The following TRIM66 variants were observed in gnomAD, a reference collection of about 807,000 sequenced individuals.
TRIM66 encodes tripartite motif containing 66, also known as tripartite motif-containing protein 66.
TRIM66 carries 99 observed loss-of-function variants against 148.2 expected under a neutral mutation model. That is an observed-to-expected ratio of 0.67 (90% CI 0.57 to 0.79). The LOEUF is 0.79. TRIM66 is among the 30% of genes least tolerant of loss of function. The pLI, the probability that TRIM66 is intolerant of heterozygous loss-of-function variation, is 0.00. For missense variants in TRIM66, 1,666 were observed against 1,697.9 expected (o/e 0.98, Z 0.33); for synonymous variants, 616 against 635.9 (o/e 0.97, Z 0.47).
chr11:8,677,263 TTTGC>T (rs1356258431), intron 3 of TRIM66, among the ~76,000 whole-genome samples: 4 of 152,188 alleles, frequency 2.6e-5, no homozygotes, highest in Admixed American at 1.3e-4. Flanking sequence ...ATATTATTTG[TTTGC>T]TTGTTTAATG....
At chr11:8,644,054 C>A (rs903472062) in intron 12 of TRIM66, among the ~76,000 whole-genome samples, 2 of 152,200 alleles carry the variant, frequency 1.3e-5, no homozygotes, top group Non-Finnish European at 2.9e-5. Context: ...ACCATTCTAC[C>A]TATGAGACCT....
chr11:8,646,001 C>A lies in TRIM66; in HGVS notation c.958-114G>T. On this transcript the variant is annotated intron_variant, in intron 11 of 24. Coordinates refer to ENST00000646038, the MANE Select transcript of TRIM66 (RefSeq NM_001388022.1). Reference sequence around the variant, plus strand: ...TGATGGAATCAGATGAGACTACACCCCTGAGAGGACAGCAGGGCAGAGTGT... The same window carrying A: ...TGATGGAATCAGATGAGACTACACCACTGAGAGGACAGCAGGGCAGAGTGT... The A allele has an allele frequency of 3.0e-6, 3 of 1,015,756 alleles. No homozygotes were observed. In the South Asian group the frequency reaches 4.8e-5, roughly 16 times the overall value. 62.9% of individuals were successfully genotyped at this position (1,015,756 alleles called of 1,614,324 possible). A position where few individuals can be genotyped will look rare whatever the true frequency, so the allele number is the denominator to read the frequency against.
intron 6 of TRIM66, among the ~76,000 whole-genome samples, chr11:8,654,849 TTTTGTTTTTG>T (rs1488863309): frequency 3.3e-5 from 5 of 152,000 alleles, no homozygotes; most frequent in Admixed American, 6.6e-5. Context: ...TGCATTTCTG[TTTTGTTTTTG>T]TTTGTTTTTG....
At position 8,624,493 on chromosome 11, in the gene TRIM66, G is replaced by A. The variant is rs2141880159; in HGVS notation, c.2885C>T (p.Pro962Leu). Reference sequence around the variant, plus strand: ...CAAGTCCTTGGGAGCATCCAGACCGGGGACTATGGGACCTTGTCCCAGTAA... The same window carrying A: ...CAAGTCCTTGGGAGCATCCAGACCGAGGACTATGGGACCTTGTCCCAGTAA... ...TDLLGQGPIV[P>L]GLDAPKDLAI... The change falls in exon 17 of 25, where the codon CCC (proline) becomes CTC (leucine). Residue 962 changes from proline to leucine, a missense_variant. Around this residue, in one of 3 missense-constraint regions of TRIM66, gnomAD observed 1,431 missense variants for 1,412.4 expected, o/e 1.01. Transcript: ENST00000646038. The A allele has an allele frequency of 6.5e-7, 1 of 1,550,114 alleles. No homozygotes were observed. Among genetic ancestry groups the A allele is most frequent in the Middle Eastern group, 1.7e-4 (1 of 5,982 alleles).
At chr11:8,682,547 AG>A in intron 1 of TRIM66, 53 bp downstream of exon 1, 2 of 569,392 alleles carry the variant, frequency 3.5e-6, no homozygotes, top group Admixed American at 3.2e-5. Context: ...CAGCACACCT[AG>A]CCCCGATTCT....
At position 8,621,084 on chromosome 11, in the gene TRIM66, G is replaced by T. The variant is rs914258153; in HGVS notation, c.3493C>A (p.Pro1165Thr). 1.3e-6 allele frequency: 2 copies of T among 1,551,588 alleles called. No homozygotes were observed. Among genetic ancestry groups the T allele is most frequent in the Non-Finnish European group, 1.7e-6 (2 of 1,147,000 alleles). The change falls in exon 20 of 25, where the codon CCC becomes ACC. Residue 1165 changes from proline (P) to threonine (T), a missense_variant. By Grantham distance (38) the Pro-to-Thr change is conservative. Around this residue, in one of 3 missense-constraint regions of TRIM66, gnomAD observed 1,431 missense variants for 1,412.4 expected, o/e 1.01. Transcript: ENST00000646038. The part of the protein sequence containing the change: ...GGELLCCDRC[P>T]KVFHLSCHVP... ...TGGCAGGAGAGGTGGAACACTTTGG[G>T]GCAGCGGTCACAGCACAGTAACTCT...
intron 13 of TRIM66, among the ~76,000 whole-genome samples, chr11:8,642,416 T>C (rs1430433293): frequency 6.6e-6 from 1 of 152,182 alleles, no homozygotes. Flanking sequence ...GCCATCAGTT[T>C]AACACTCGTT....
intron 3 of TRIM66, among the ~76,000 whole-genome samples, chr11:8,675,688 T>C (rs1392916022): frequency 1.3e-5 from 2 of 152,194 alleles, no homozygotes; most frequent in Admixed American, 1.3e-4. Context: ...GGCCTGCCAG[T>C]TGTCCTTTCG....
In TRIM66 at chr11:8,624,717, C is replaced by T; in HGVS notation, c.2822G>A (p.Cys941Tyr). The change falls in exon 16 of 25, where the codon TGT becomes TAT. Residue 941 changes from cysteine (C) to tyrosine (Y), a missense_variant. This residue lies in a region of TRIM66 where 1,431 missense variants were observed against 1,412.4 expected (regional missense o/e 1.01). Transcript: ENST00000646038. The stretch of plus-strand genomic sequence containing the variant: ...TAGCATTTCCCCAGGACTTACCTTA[C>T]ACAGAGCATTCTCCAGGGAGGGATC... ...GADPSLENAL[C>Y]KMESEDSTRF... 2 of 1,518,078 alleles carry T rather than the reference C, an allele frequency of 1.3e-6. No homozygotes were observed. The highest frequency in any genetic ancestry group is 1.8e-6 in the Non-Finnish European group (2 of 1,128,556). The allele number at this position is 1,518,078 out of a possible 1,614,324, so 94.0% of individuals were successfully genotyped here.
chr11:8,618,794 AGGGAGGCCAC>A lies in TRIM66; in HGVS notation c.4065_4074del (p.Trp1356ThrfsTer69). The A allele has an allele frequency of 6.4e-7, 1 of 1,551,106 alleles. No homozygotes were observed. On this transcript the variant is annotated frameshift_variant, in exon 24 of 25. Transcript: ENST00000646038. LOFTEE classifies it high-confidence loss of function. The stretch of plus-strand genomic sequence containing the variant: ...TTGGGTTGGATGCCCTCCTGCATGT[AGGGAGGCCAC>A]GGGAAGCCCTGGGGAGTGGAACATC...
chr11:8,629,993 T>C (rs991888086), intron 15 of TRIM66, among the ~76,000 whole-genome samples: 2 of 152,226 alleles, frequency 1.3e-5, no homozygotes, highest in East Asian at 3.8e-4. Flanking sequence ...TAGTTATTTT[T>C]ATACTATATC....
chr11:8,622,916 G>C (rs1592015496), intron 17 of TRIM66, 40 bp from the exon 18 acceptor site: 1 of 1,531,144 alleles, frequency 6.5e-7, no homozygotes. Flanking sequence ...ACACACATTT[G>C]TGGCAACAAA....
intron 6 of TRIM66, among the ~76,000 whole-genome samples, chr11:8,653,230 C>T (rs866719114): frequency 5.3e-5 from 8 of 152,298 alleles, no homozygotes; most frequent in African/African-American, 9.6e-5. Context: ...AGACTCTCCA[C>T]GAGCTTCAGG....
chr11:8,643,011 A>T lies in TRIM66; in HGVS notation c.1220T>A (p.Leu407His). The stretch of plus-strand genomic sequence containing the variant: ...TGGGTGGGTGGGTCCAAGCTCACCA[A>T]GAGAAGCTAGCTGCTTGGTCCAGAA... ...PNFWTKQLAS[L>H]GCITTEGGQM... The change falls in exon 13 of 25, where the codon CTT (leucine) becomes CAT (histidine). Residue 407 changes from leucine (L) to histidine (H), a missense_variant and splice_region_variant. This residue lies in a region of TRIM66 where 1,431 missense variants were observed against 1,412.4 expected (regional missense o/e 1.01). Coordinates refer to ENST00000646038, the MANE Select transcript of TRIM66 (RefSeq NM_001388022.1). The T allele has an allele frequency of 6.5e-7, 1 of 1,549,006 alleles. No homozygotes were observed. Among genetic ancestry groups the T allele is most frequent in the Non-Finnish European group, 8.7e-7 (1 of 1,145,220 alleles).
chr11:8,680,162 T>A (rs1022999908), intron 1 of TRIM66, 99 bp from the exon 2 acceptor site: 2 of 152,302 alleles, frequency 1.3e-5, no homozygotes, highest in East Asian at 1.9e-4. Flanking sequence ...GGAAACAGCA[T>A]GAGCAAAGGC....
intron 6 of TRIM66, among the ~76,000 whole-genome samples, chr11:8,669,542 T>C (rs904766267): frequency 1.3e-5 from 2 of 150,928 alleles, no homozygotes; most frequent in East Asian, 2.0e-4. Context: ...ATTTGGGAGG[T>C]TGACGCAGGA....
chr11:8,640,546 G>A lies in TRIM66; in HGVS notation c.1829C>T (p.Pro610Leu). 1 of 1,498,938 alleles carries A rather than the reference G, an allele frequency of 6.7e-7. No individual in the cohort carries two copies. Among genetic ancestry groups the A allele is most frequent in the Non-Finnish European group, 9.1e-7 (1 of 1,103,878 alleles). 92.9% of individuals were successfully genotyped at this position (1,498,938 alleles called of 1,614,324 possible). ...AGGGGGAAGGGGAGGTGGGGGATGG[G>A]GGAGGGGTGGTGGTGGAGGTGGTAG... ...QQLPPPPPPL[P>L]HPPPPLPPPP... The change falls in exon 14 of 25, where the codon CCC (proline) becomes CTC (leucine). Residue 610 changes from proline to leucine, a missense_variant. By Grantham distance (98) the Pro-to-Leu change is moderately conservative. Transcript: ENST00000646038.
chr11:8,630,728 G>C (rs1054770136), intron 15 of TRIM66, among the ~76,000 whole-genome samples: 2 of 151,472 alleles, frequency 1.3e-5, no homozygotes, highest in Non-Finnish European at 1.5e-5. Context: ...CCTCTTTTTT[G>C]TCTCCTTATC....
Position 8,615,333 on chromosome 11 carries a change from G to C in TRIM66, c.*2611C>G. On this transcript the variant is annotated 3_prime_UTR_variant, in exon 25 of 25. Coordinates refer to ENST00000646038, the MANE Select transcript of TRIM66 (RefSeq NM_001388022.1). The stretch of plus-strand genomic sequence containing the variant: ...TCTTATTTCTCAGCATACCCAAGAA[G>C]TCAATTTTTCCTCTAGGGCTGCATG... 6.6e-6 allele frequency: 1 copy of C among 152,182 alleles called. No homozygotes were observed. Among genetic ancestry groups the C allele is most frequent in the East Asian group, 1.9e-4 (1 of 5,192 alleles). 9.4% of individuals were successfully genotyped at this position (152,182 alleles called of 1,614,324 possible). A position where few individuals can be genotyped will look rare whatever the true frequency, so the allele number is the denominator to read the frequency against.
Sources: allele counts gnomAD v4.1 joint callset (sites outside exome capture counted in the v4.1 genomes callset), GRCh38; gene constraint gnomAD v4.1.1; regional missense constraint gnomAD v4.1.1; transcripts MANE v1.5; gene names NCBI Gene and HGNC (gene_info 2026-07-23, HGNC 2026-07-21).